Variants in CHST3 observed in about 807,000 individuals in gnomAD.
The protein encoded by CHST3 is C6ST-1.
CHST3 carries 20 observed loss-of-function variants against 35.4 expected under a neutral mutation model. The ratio of observed to expected loss-of-function variants is 0.57; its 90% confidence interval spans 0.40 to 0.82. CHST3 has a LOEUF of 0.82. CHST3 is among the 40% of genes least tolerant of loss of function. The probability of loss-of-function intolerance (pLI) is 0.00; values close to 1 mark genes in which losing one functional copy is unlikely to be tolerated. For synonymous variants in CHST3, 334 were observed against 295.9 expected (o/e 1.13, Z -1.32); for missense variants, 693 against 670.1 (o/e 1.03, Z -0.38).
intron 1 of CHST3, among the ~76,000 whole-genome samples, chr10:71,966,130 G>T (rs192726256): frequency 3.9e-5 from 6 of 152,242 alleles, no homozygotes; most frequent in Admixed American, 2.6e-4. Flanking sequence ...TGGGTAAGTG[G>T]AGAAAGAGAT....
chr10:71,988,624 T>G (rs1839871039), intron 1 of CHST3, among the ~76,000 whole-genome samples: 1 of 152,216 alleles, frequency 6.6e-6, no homozygotes, highest in Non-Finnish European at 1.5e-5. Flanking sequence ...GCACCATGCT[T>G]CTTGTACATC....
At chr10:71,988,834 A>G (rs1156957539) in intron 1 of CHST3, among the ~76,000 whole-genome samples, 2 of 152,112 alleles carry the variant, frequency 1.3e-5, no homozygotes, top group Non-Finnish European at 2.9e-5. Flanking sequence ...CAGGCTGCCA[A>G]TTACCAACCT....
chr10:71,970,693 A>G (rs2131737210), intron 1 of CHST3, among the ~76,000 whole-genome samples: 1 of 152,320 alleles, frequency 6.6e-6, no homozygotes, highest in East Asian at 1.9e-4. Flanking sequence ...CAGCAGGCAG[A>G]CGGTGACGTC....
rs1840074434 is a variant in CHST3 at position 72,008,554 on chromosome 10, A to G, written c.*83A>G. 1 of 1,442,626 alleles carries G rather than the reference A, an allele frequency of 6.9e-7. No homozygotes were observed. The highest frequency in any genetic ancestry group is 1.5e-5 in the South Asian group (1 of 67,534). 89.4% of individuals were successfully genotyped at this position (1,442,626 alleles called of 1,614,324 possible). A position where few individuals can be genotyped will look rare whatever the true frequency, so the allele number is the denominator to read the frequency against. On this transcript the variant is annotated 3_prime_UTR_variant, in exon 3 of 3. Transcript: ENST00000373115. ...CAGCCCTCGCAGAGGGCGGGTGCACAGCGCCATGAGCGGGCAGCGCCTCCT... is the reference window on the plus strand; with the variant it reads ...CAGCCCTCGCAGAGGGCGGGTGCACGGCGCCATGAGCGGGCAGCGCCTCCT...
In CHST3 at chr10:71,964,955, C is replaced by A. The variant is rs553998311; in HGVS notation, c.-108+261C>A. ...CGCACACGGCGCAGGCTGATCTGCG[C>A]ACACCCACACCGGCCAGGCACATGC... On this transcript the variant is annotated intron_variant, in intron 1 of 2. Coordinates refer to ENST00000373115, the MANE Select transcript of CHST3 (RefSeq NM_004273.5). Among the ~76,000 whole-genome samples the A allele has an allele frequency of 2.0e-5, 3 of 152,376 alleles. No individual in the cohort carries two copies. The South Asian group carries it at 6.2e-4, about 32-fold the overall frequency.
rs1000319336 is a variant in CHST3, at chr10:72,008,729, G to T, written c.*258G>T. On this transcript the variant is annotated 3_prime_UTR_variant, in exon 3 of 3. Transcript: ENST00000373115. ...CCTGAGCAGGCCTAGGCAGGCCCGG[G>T]CCTGTTGGCAAGCTTCGATCTCACA... The T allele has an allele frequency of 2.6e-5, 14 of 533,398 alleles. No homozygotes were observed. Among genetic ancestry groups the T allele is most frequent in the African/African-American group, 5.8e-5 (3 of 51,682 alleles). The allele number at this position is 533,398 out of a possible 1,614,324, so 33.0% of individuals were successfully genotyped here. A position where few individuals can be genotyped will look rare whatever the true frequency, so the allele number is the denominator to read the frequency against.
At chr10:71,990,173 A>G (rs987711531) in intron 1 of CHST3, among the ~76,000 whole-genome samples, 1 of 152,170 alleles carries the variant, frequency 6.6e-6, no homozygotes, top group African/African-American at 2.4e-5. Context: ...TGCTATAACA[A>G]ATACCATACA....
chr10:71,971,366 A>C (rs1034383338), intron 1 of CHST3, among the ~76,000 whole-genome samples: 1 of 152,190 alleles, frequency 6.6e-6, no homozygotes, highest in Non-Finnish European at 1.5e-5. Flanking sequence ...TTCTGAAAAA[A>C]GTTCTGGTTC....
intron 1 of CHST3, among the ~76,000 whole-genome samples, chr10:71,965,030 A>G (rs1839615690): frequency 6.6e-6 from 1 of 152,098 alleles, no homozygotes; most frequent in South Asian, 2.1e-4. Context: ...TGGCCTCTAC[A>G]GCAGGCACGT....
intron 1 of CHST3, among the ~76,000 whole-genome samples, chr10:71,981,494 T>A (rs1487029724): frequency 6.6e-6 from 1 of 152,196 alleles, no homozygotes; most frequent in East Asian, 1.9e-4. Context: ...ATGACTAGAT[T>A]CTGCCCAGGT....
intron 1 of CHST3, among the ~76,000 whole-genome samples, chr10:71,977,220 C>T (rs1169062948): frequency 2.0e-5 from 3 of 152,244 alleles, no homozygotes; most frequent in Non-Finnish European, 4.4e-5. Flanking sequence ...CAGTCACCCA[C>T]ACAGCATGAA....
intron 1 of CHST3, among the ~76,000 whole-genome samples, chr10:71,965,833 G>A (rs1839627548): frequency 6.6e-6 from 1 of 152,158 alleles, no homozygotes. Flanking sequence ...TAGGAGCCCT[G>A]CCTGATCTGC....
intron 1 of CHST3, among the ~76,000 whole-genome samples, chr10:72,004,335 A>G (rs1010448050): frequency 1.3e-5 from 2 of 152,088 alleles, no homozygotes; most frequent in African/African-American, 2.4e-5. Context: ...TCAGTATTGA[A>G]CAATTGTTGC....
chr10:71,971,594 G>A (rs915956266), intron 1 of CHST3, among the ~76,000 whole-genome samples: 17 of 151,958 alleles, frequency 1.1e-4, no homozygotes, highest in African/African-American at 3.9e-4. Context: ...CAGCTGCCTC[G>A]CCATCTGCAA....
At chr10:71,988,411 G>A (rs1232880455) in intron 1 of CHST3, among the ~76,000 whole-genome samples, 1 of 152,328 alleles carries the variant, frequency 6.6e-6, no homozygotes, top group East Asian at 1.9e-4. Context: ...AGGTGTTTGA[G>A]TCATGGGGGT....
chr10:71,987,714 C>CAAA (rs386371790), intron 1 of CHST3, among the ~76,000 whole-genome samples: 33,885 of 88,452 alleles, frequency 0.38, 6,975 homozygotes, highest in Non-Finnish European at 0.49. Context: ...GAGACTGTCT[C>CAAA]AAAAAAAAAA....
intron 1 of CHST3, among the ~76,000 whole-genome samples, chr10:71,991,297 G>A (rs1839894353): frequency 6.6e-6 from 1 of 152,168 alleles, no homozygotes; most frequent in Non-Finnish European, 1.5e-5. Context: ...TATATTCCAG[G>A]GCGTTTTGTT....
At chr10:72,006,277 G>A (rs1840038487) in intron 2 of CHST3, among the ~76,000 whole-genome samples, 2 of 152,186 alleles carry the variant, frequency 1.3e-5, no homozygotes, top group Non-Finnish European at 2.9e-5. Context: ...TTCCTCTTTT[G>A]TAAAACATGG....
intron 1 of CHST3, among the ~76,000 whole-genome samples, chr10:71,990,673 A>G (rs2131754351): frequency 6.6e-6 from 1 of 152,224 alleles, no homozygotes; most frequent in African/African-American, 2.4e-5. Context: ...TCTAAAAAGA[A>G]CACTAATCCC....
Sources: allele counts gnomAD v4.1 joint callset (sites outside exome capture counted in the v4.1 genomes callset), GRCh38; gene constraint gnomAD v4.1.1; transcripts MANE v1.5; gene names NCBI Gene and HGNC (gene_info 2026-07-23, HGNC 2026-07-21).